The following DMD variants were observed in gnomAD, a reference collection of about 807,000 sequenced individuals.
DMD encodes dystrophin.
DMD carries 63 observed loss-of-function variants against 330.1 expected under a neutral mutation model. The ratio of observed to expected loss-of-function variants is 0.19; its 90% CI spans 0.16 to 0.24. DMD has a LOEUF of 0.24. Among genes scored for constraint, DMD ranks in the 10% least tolerant of loss-of-function variants. The probability of loss-of-function intolerance (pLI) is 1.00; values close to 1 mark genes in which losing one functional copy is unlikely to be tolerated. For synonymous variants in DMD, 1,223 were observed against 959.8 expected (o/e 1.27, Z -5.07); for missense variants, 3,344 against 2,684.1 (o/e 1.25, Z -5.43).
intron 43 of DMD, among the ~76,000 whole-genome samples, chrX:32,235,100 T>C (rs949338625): frequency 1.8e-5 from 2 of 111,481 alleles, no homozygotes; most frequent in African/African-American, 6.5e-5. Flanking sequence ...ACATTATTTA[T>C]ATTATTATCA....
intron 1 of DMD, among the ~76,000 whole-genome samples, chrX:33,150,577 G>C (rs1460835277): frequency 9.1e-6 from 1 of 109,647 alleles, no homozygotes; most frequent in East Asian, 2.9e-4. Flanking sequence ...TTACAGGTGG[G>C]AGCCACTGCG....
intron 42 of DMD, among the ~76,000 whole-genome samples, chrX:32,290,474 C>T (rs1202915161): frequency 1.8e-5 from 2 of 111,931 alleles, no homozygotes; most frequent in African/African-American, 6.5e-5. Flanking sequence ...ATAGATGGTC[C>T]CATAAATTTA....
chrX:32,366,338 G>T (rs2097854419), intron 34 of DMD, among the ~76,000 whole-genome samples: 1 of 111,755 alleles, frequency 8.9e-6, no homozygotes. Context: ...AGCTGAGCCA[G>T]AGCCCAACAG....
At chrX:32,002,486 C>A (rs766534339) in intron 44 of DMD, among the ~76,000 whole-genome samples, 105 of 111,943 alleles carry the variant, frequency 9.4e-4, no homozygotes, top group African/African-American at 3.3e-3. Flanking sequence ...TTACACCTAG[C>A]ATTAGCTAAG....
chrX:32,067,360 T>A (rs1014525752), intron 44 of DMD, among the ~76,000 whole-genome samples: 1 of 111,231 alleles, frequency 9.0e-6, no homozygotes, highest in Non-Finnish European at 1.9e-5. Context: ...ATCTTTTTTT[T>A]TCAACTTTTA....
At chrX:31,803,648 CTTT>C (rs1322681834) in intron 50 of DMD, among the ~76,000 whole-genome samples, 1 of 69,358 alleles carries the variant, frequency 1.4e-5, no homozygotes, top group Non-Finnish European at 2.5e-5. Context: ...TCCTTCCTTT[CTTT>C]GTCTTCCTCT....
chrX:32,620,663 C>T (rs980886050), intron 11 of DMD, among the ~76,000 whole-genome samples: 3 of 112,171 alleles, frequency 2.7e-5, no homozygotes, highest in Non-Finnish European at 5.6e-5. Flanking sequence ...TTTGGACAGA[C>T]ATTTCCTTCA....
At chrX:32,476,056 G>A (rs186044063) in intron 21 of DMD, among the ~76,000 whole-genome samples, 250 of 111,306 alleles carry the variant, frequency 2.2e-3, no homozygotes, top group African/African-American at 7.7e-3. Flanking sequence ...TTGTGTCTGA[G>A]ATGTCATTTC....
intron 12 of DMD, among the ~76,000 whole-genome samples, chrX:32,608,327 A>G (rs2056899914): frequency 9.0e-6 from 1 of 110,699 alleles, no homozygotes; most frequent in Admixed American, 9.6e-5. Flanking sequence ...GTAACTGAAT[A>G]TCATGCACAT....
chrX:32,440,314 T>C (rs1048612856), intron 28 of DMD, among the ~76,000 whole-genome samples: 10 of 111,785 alleles, frequency 8.9e-5, no homozygotes, highest in African/African-American at 1.3e-4. Flanking sequence ...TGTACTTTAA[T>C]ATCTTTTCAG....
At chrX:32,236,892 A>G (rs946979296) in intron 43 of DMD, among the ~76,000 whole-genome samples, 6 of 111,716 alleles carry the variant, frequency 5.4e-5, no homozygotes, top group African/African-American at 1.6e-4. Context: ...TATTTTTTAA[A>G]CTTTAAAAAT....
chrX:32,642,270 T>A (rs749281960), intron 11 of DMD, among the ~76,000 whole-genome samples: 1 of 112,397 alleles, frequency 8.9e-6, no homozygotes, highest in Non-Finnish European at 1.9e-5. Context: ...AAAGTCTATG[T>A]GATAGAAGTG....
rs142965252 is a variant in DMD, at chrX:32,535,236, A to G, written c.2168+9923T>C. Among the ~76,000 whole-genome samples, 3 of 111,775 alleles carry G rather than the reference A, an allele frequency of 2.7e-5. No homozygotes were observed. The East Asian group carries it at 8.5e-4, about 32-fold the overall frequency. ...GTTTATGAGCAGAAGATGCACGGCC[A>G]GAACCCATCTGTGCAGTAATATGCC... On this transcript the variant is annotated intron_variant, in intron 17 of 78. Coordinates refer to ENST00000357033, the MANE Select transcript of DMD (RefSeq NM_004006.3).
chrX:32,272,109 C>T (rs1445267264), intron 43 of DMD, among the ~76,000 whole-genome samples: 1 of 111,881 alleles, frequency 8.9e-6, no homozygotes, highest in Non-Finnish European at 1.9e-5. Context: ...AAAAGTACTC[C>T]ACTGAATGGT....
At chrX:33,336,669 C>A (rs1182344433) in intron 1 of DMD, among the ~76,000 whole-genome samples, 1 of 111,581 alleles carries the variant, frequency 9.0e-6, no homozygotes, top group Non-Finnish European at 1.9e-5. Context: ...GTCACTAATT[C>A]TGGATTTAAA....
chrX:32,176,352 T>C (rs148409423), intron 44 of DMD, among the ~76,000 whole-genome samples: 1 of 111,665 alleles, frequency 9.0e-6, no homozygotes, highest in Non-Finnish European at 1.9e-5. Flanking sequence ...ACTTGGAATA[T>C]AGTGGGCACC....
At chrX:33,127,009 G>C (rs889778420) in intron 1 of DMD, among the ~76,000 whole-genome samples, 1 of 111,487 alleles carries the variant, frequency 9.0e-6, no homozygotes, top group African/African-American at 3.3e-5. Flanking sequence ...ACTTAGTCCA[G>C]ACCAAATGAG....
At chrX:32,662,165 C>G (rs760391157) in intron 9 of DMD, among the ~76,000 whole-genome samples, 1 of 111,714 alleles carries the variant, frequency 9.0e-6, no homozygotes, top group South Asian at 3.7e-4. Flanking sequence ...TTCCTACAAA[C>G]TCAGTACATA....
intron 41 of DMD, among the ~76,000 whole-genome samples, chrX:32,313,961 G>A (rs1262554435): frequency 1.8e-5 from 2 of 111,382 alleles, no homozygotes; most frequent in South Asian, 7.6e-4. Flanking sequence ...ACATGAAAAT[G>A]GCCATAGCGC....
Sources: gnomAD v4.1 joint callset for allele counts (sites outside exome capture counted in the v4.1 genomes callset) on GRCh38, gnomAD v4.1.1 for gene constraint, MANE v1.5 for transcripts, NCBI Gene and HGNC (gene_info 2026-07-23, HGNC 2026-07-21) for gene names.